Variants in MMP26 observed in about 807,000 individuals in gnomAD.
MMP26 encodes the protein matrix metallopeptidase 26.
In MMP26, 33 loss-of-function variants were observed where a neutral mutation model predicts 31.0. The observed-to-expected ratio is 1.06, with a 90% CI of 0.81 to 1.42. The LOEUF (loss-of-function observed/expected upper bound fraction) is 1.42. Ranked by LOEUF, MMP26 falls within the 40% of genes most tolerant of loss-of-function variation. MMP26 has a pLI of 0.00. For missense variants in MMP26, 347 were observed against 316.1 expected, an observed-to-expected ratio of 1.10 and a Z score of -0.74; for synonymous variants, 122 against 114.9, an observed-to-expected ratio of 1.06 and a Z score of -0.40.
rs116899732 is a variant in MMP26, at chr11:4,901,039, G to A, written c.-144-87029G>A. 3.3e-3 allele frequency among the ~76,000 whole-genome samples: 499 copies of A among 151,950 alleles called. 3 individuals are homozygous for A. The highest frequency in any genetic ancestry group is 0.012 in the African/African-American group (478 of 41,444). On this transcript the variant is annotated intron_variant, in intron 2 of 7. Transcript: ENST00000380390. ...CTAACTTGGCTTTCATCCCCCACCA[G>A]CTGGTCATAAGGGATCATCCACGTA...
chr11:4,988,172 T>G lies in MMP26; in HGVS notation c.-40T>G. 6.4e-7 allele frequency: 1 copy of G among 1,571,998 alleles called. No individual in the cohort carries two copies. The highest frequency in any genetic ancestry group is 1.3e-5 in the African/African-American group (1 of 74,162). On this transcript the variant is annotated 5_prime_UTR_variant, in exon 3 of 8. Transcript: ENST00000380390. ...TATAAAGATCCAGTGGCCCAAGTTG[T>G]GTACCTGAATTCAAGCAGTGGGACA... is the stretch of plus-strand genomic sequence containing the variant.
In MMP26 at chr11:4,990,173, A is replaced by G. The variant is rs145624048; in HGVS notation, c.320+305A>G. Among the ~76,000 whole-genome samples, 852 of 152,294 alleles carry G rather than the reference A, an allele frequency of 5.6e-3. 4 individuals are homozygous for G. The highest frequency in any genetic ancestry group is 9.5e-3 in the Non-Finnish European group (649 of 68,026). On this transcript the variant is annotated intron_variant, in intron 4 of 7. Transcript: ENST00000380390. ...AATTTTGAAAACTTAATTTCTGCCT[A>G]GGTTACTCTTTCTGTTGGGGATTCT... is the stretch of plus-strand genomic sequence containing the variant.
intron 2 of MMP26, chr11:4,946,749 GGAGGACT>G (rs1203835428): frequency 6.3e-7 from 1 of 1,588,666 alleles, no homozygotes; most frequent in Admixed American, 1.7e-5. Flanking sequence ...GACATGATCA[GGAGGACT>G]GAGGACTCCA....
intron 2 of MMP26, chr11:4,914,938 G>C: frequency 6.2e-7 from 1 of 1,614,126 alleles, no homozygotes; most frequent in South Asian, 1.1e-5. Context: ...AGGTGTTAAG[G>C]GCCTTGAATC....
At chr11:4,816,222 A>G (rs1380338838) in intron 2 of MMP26, among the ~76,000 whole-genome samples, 1 of 152,138 alleles carries the variant, frequency 6.6e-6, no homozygotes, top group Non-Finnish European at 1.5e-5. Context: ...TATTGTTTTC[A>G]GAAATAATAC....
At chr11:4,785,316 T>C (rs758142394) in intron 2 of MMP26, among the ~76,000 whole-genome samples, 3 of 152,210 alleles carry the variant, frequency 2.0e-5, no homozygotes, top group Non-Finnish European at 2.9e-5. Context: ...CTCATCTTAT[T>C]ATATCAGCTT....
At chr11:4,751,326 A>C (rs1477370951) in intron 1 of MMP26, among the ~76,000 whole-genome samples, 2 of 152,196 alleles carry the variant, frequency 1.3e-5, no homozygotes, top group African/African-American at 2.4e-5. Context: ...AGGTGTGCAC[A>C]CATATAAAGG....
In MMP26 at chr11:4,846,888, A is replaced by T. The variant is rs535939295; in HGVS notation, c.-145+79547A>T. Among the ~76,000 whole-genome samples the T allele has an allele frequency of 2.0e-5, 3 of 152,282 alleles. No homozygotes were observed. The South Asian group carries it at 6.2e-4, about 32-fold the overall frequency. On this transcript the variant is annotated intron_variant, in intron 2 of 7. Transcript: ENST00000380390. Reference sequence around the variant, plus strand: ...CAACTACAAAATATCAGATGCTTACAACTACAGCATTTGTTATAATTCTCA... The same window carrying T: ...CAACTACAAAATATCAGATGCTTACTACTACAGCATTTGTTATAATTCTCA...
chr11:4,851,473 A>G (rs1158106838), intron 2 of MMP26, among the ~76,000 whole-genome samples: 1 of 152,226 alleles, frequency 6.6e-6, no homozygotes, highest in Non-Finnish European at 1.5e-5. Flanking sequence ...ATCTATAGGA[A>G]GAAATGAAGA....
intron 1 of MMP26, among the ~76,000 whole-genome samples, chr11:4,734,590 T>G (rs1278854038): frequency 1.3e-5 from 2 of 152,088 alleles, no homozygotes; most frequent in Non-Finnish European, 2.9e-5. Flanking sequence ...GTCTTCACTT[T>G]CATTAATCTC....
chr11:4,856,789 G>A lies in MMP26; in HGVS notation c.-145+89448G>A, dbSNP rs1269439197. ...TACACATTCTTCTCAGCACCACGTC[G>A]CACTTATTCCAAAATTGACCACATA... On this transcript the variant is annotated intron_variant, in intron 2 of 7. Coordinates refer to ENST00000380390, the MANE Select transcript of MMP26 (RefSeq NM_021801.5). Among the ~76,000 whole-genome samples, 18 of 152,210 alleles carry A rather than the reference G, an allele frequency of 1.2e-4. No individual in the cohort carries two copies. In the East Asian group the frequency reaches 2.7e-3, roughly 23 times the overall value.
chr11:4,939,847 A>C (rs891297573), intron 2 of MMP26, among the ~76,000 whole-genome samples: 1 of 152,172 alleles, frequency 6.6e-6, no homozygotes, highest in Non-Finnish European at 1.5e-5. Context: ...GACATAAGAT[A>C]TATCACTTAT....
chr11:4,882,327 T>G (rs1298095558), intron 2 of MMP26: 3 of 1,613,962 alleles, frequency 1.9e-6, no homozygotes, highest in Non-Finnish European at 2.5e-6. Context: ...GACAGGATGG[T>G]CCTGGTGATA....
At chr11:4,817,199 G>C (rs1430169608) in intron 2 of MMP26, among the ~76,000 whole-genome samples, 1 of 151,982 alleles carries the variant, frequency 6.6e-6, no homozygotes, top group African/African-American at 2.4e-5. Flanking sequence ...ATTATACTAT[G>C]GGGACTAAAT....
chr11:4,748,558 C>G (rs1848408961), intron 1 of MMP26, among the ~76,000 whole-genome samples: 1 of 144,890 alleles, frequency 6.9e-6, no homozygotes, highest in Non-Finnish European at 1.5e-5. Flanking sequence ...TACTAGCAAA[C>G]TGAATCAAAC....
intron 2 of MMP26, among the ~76,000 whole-genome samples, chr11:4,872,601 G>A (rs1232566366): frequency 6.6e-6 from 1 of 151,404 alleles, no homozygotes; most frequent in Non-Finnish European, 1.5e-5. Context: ...CAAGAAACAA[G>A]TCCAAAGGGC....
At chr11:4,846,145 G>A (rs1411462766) in intron 2 of MMP26, among the ~76,000 whole-genome samples, 1 of 152,148 alleles carries the variant, frequency 6.6e-6, no homozygotes, top group Non-Finnish European at 1.5e-5. Flanking sequence ...TGATTTGGAA[G>A]CAACCTAAGC....
intron 2 of MMP26, among the ~76,000 whole-genome samples, chr11:4,844,784 C>A (rs748867390): frequency 2.4e-4 from 37 of 152,110 alleles, no homozygotes; most frequent in Non-Finnish European, 4.7e-4. Context: ...CCAGATATGA[C>A]AGACCCACAA....
At chr11:4,734,051 T>C (rs1055639418) in intron 1 of MMP26, among the ~76,000 whole-genome samples, 28 of 152,340 alleles carry the variant, frequency 1.8e-4, no homozygotes, top group Admixed American at 1.2e-3. Context: ...TTTTTATATG[T>C]TGCTGGATTT....
Sources: allele counts gnomAD v4.1 joint callset (sites outside exome capture counted in the v4.1 genomes callset), GRCh38; gene constraint gnomAD v4.1.1; transcripts MANE v1.5; gene names NCBI Gene and HGNC (gene_info 2026-07-23, HGNC 2026-07-21).